EHBP1: variants seen among roughly 807,000 people sequenced by gnomAD.
EHBP1 encodes the protein EH domain-binding protein 1.
A neutral mutation model predicts 144.0 loss-of-function variants in EHBP1; 55 were observed. The observed-to-expected ratio is 0.38, with a 90% CI of 0.31 to 0.48. The LOEUF (loss-of-function observed/expected upper bound fraction) is 0.48. Ranked by LOEUF, EHBP1 falls within the 20% of genes least tolerant of loss-of-function variation. EHBP1 has a pLI of 0.98. For missense variants in EHBP1, 1,200 were observed against 1,364.2 expected (o/e 0.88, Z 1.90); for synonymous variants, 469 against 472.7 (o/e 0.99, Z 0.10).
chr2:62,775,925 A>G (rs1392598738), intron 5 of EHBP1, among the ~76,000 whole-genome samples: 1 of 152,228 alleles, frequency 6.6e-6, no homozygotes, highest in South Asian at 2.1e-4. Context: ...AGAAAGATGA[A>G]AAGAGATCAT....
chr2:62,823,262 G>A (rs556186440), intron 5 of EHBP1, among the ~76,000 whole-genome samples: 42 of 152,162 alleles, frequency 2.8e-4, no homozygotes, highest in African/African-American at 7.9e-4. Flanking sequence ...ATGCACATAC[G>A]AACTGATGTT....
chr2:62,906,068 A>T (rs927667025), intron 10 of EHBP1, among the ~76,000 whole-genome samples: 2 of 151,852 alleles, frequency 1.3e-5, no homozygotes, highest in Non-Finnish European at 2.9e-5. Flanking sequence ...TGGATTGTTT[A>T]TAATTTTAGC....
At chr2:62,929,069 G>C (rs148352848) in intron 10 of EHBP1, among the ~76,000 whole-genome samples, 1 of 152,074 alleles carries the variant, frequency 6.6e-6, no homozygotes, top group African/African-American at 2.4e-5. Flanking sequence ...GCTCTAATTC[G>C]TAAGAAGAAT....
chr2:62,805,302 ATATT>A (rs1558700266), intron 5 of EHBP1, among the ~76,000 whole-genome samples: 3 of 152,184 alleles, frequency 2.0e-5, no homozygotes, highest in East Asian at 3.9e-4. Flanking sequence ...ATACAGAACT[ATATT>A]TATTATATTT....
At chr2:62,985,070 C>T (rs1238765234) in intron 15 of EHBP1, among the ~76,000 whole-genome samples, 1 of 152,102 alleles carries the variant, frequency 6.6e-6, no homozygotes, top group Non-Finnish European at 1.5e-5. Context: ...GCCCAACATC[C>T]AGTTGATTTC....
intron 2 of EHBP1, among the ~76,000 whole-genome samples, chr2:62,709,668 C>A (rs527959068): frequency 5.9e-5 from 9 of 151,962 alleles, no homozygotes; most frequent in African/African-American, 2.2e-4. Context: ...TTATGGTGTC[C>A]CTATTAAATC....
intron 19 of EHBP1, among the ~76,000 whole-genome samples, chr2:63,006,612 A>G (rs2060046696): frequency 6.6e-6 from 1 of 151,998 alleles, no homozygotes; most frequent in Non-Finnish European, 1.5e-5. Context: ...TAAGTTAAAT[A>G]CATTTTAAGT....
intron 8 of EHBP1, among the ~76,000 whole-genome samples, 181 bp downstream of exon 8, chr2:62,859,472 G>T (rs1026922630): frequency 1.3e-5 from 2 of 152,164 alleles, no homozygotes; most frequent in Non-Finnish European, 2.9e-5. Context: ...CTATGGAATG[G>T]CTTTTAAAGA....
intron 10 of EHBP1, among the ~76,000 whole-genome samples, chr2:62,932,039 T>C (rs1168818474): frequency 1.3e-5 from 2 of 152,012 alleles, no homozygotes; most frequent in East Asian, 3.9e-4. Flanking sequence ...TACCCAGGGA[T>C]GGTGATATGC....
chr2:62,808,374 T>G (rs2044682411), intron 5 of EHBP1, among the ~76,000 whole-genome samples: 1 of 152,070 alleles, frequency 6.6e-6, no homozygotes, highest in Non-Finnish European at 1.5e-5. Flanking sequence ...GTTCTTGAGA[T>G]CAGAGACTCT....
At chr2:62,799,921 G>A (rs1452541829) in intron 5 of EHBP1, among the ~76,000 whole-genome samples, 2 of 152,172 alleles carry the variant, frequency 1.3e-5, no homozygotes, top group Non-Finnish European at 2.9e-5. Context: ...GTTCCATGTG[G>A]CCACCTTGTC....
chr2:62,924,112 A>G (rs1386117978), intron 10 of EHBP1, among the ~76,000 whole-genome samples: 3 of 152,150 alleles, frequency 2.0e-5, no homozygotes, highest in African/African-American at 7.2e-5. Context: ...CTGAGGAGCC[A>G]TGTACCAGCA....
At chr2:62,860,199 G>A (rs2049391246) in intron 8 of EHBP1, among the ~76,000 whole-genome samples, 1 of 152,014 alleles carries the variant, frequency 6.6e-6, no homozygotes, top group African/African-American at 2.4e-5. Context: ...ATCTTAAAAA[G>A]GTTACAATAG....
chr2:62,927,897 A>G (rs1039140613), intron 10 of EHBP1, among the ~76,000 whole-genome samples: 11 of 152,262 alleles, frequency 7.2e-5, no homozygotes, highest in African/African-American at 1.2e-4. Context: ...CATGCAAAGT[A>G]TCTTTTCTGA....
intron 5 of EHBP1, among the ~76,000 whole-genome samples, chr2:62,821,996 G>A (rs779871277): frequency 1.6e-4 from 24 of 151,978 alleles, no homozygotes; most frequent in Non-Finnish European, 3.2e-4. Context: ...AATTCTTTCC[G>A]TTATTTTTAA....
intron 10 of EHBP1, among the ~76,000 whole-genome samples, chr2:62,935,773 A>G (rs561300104): frequency 6.6e-6 from 1 of 152,252 alleles, no homozygotes; most frequent in South Asian, 2.1e-4. Flanking sequence ...CACCCTTGCA[A>G]TATTTGCTGG....
chr2:62,784,265 C>A (rs986210928), intron 5 of EHBP1, among the ~76,000 whole-genome samples: 1 of 152,054 alleles, frequency 6.6e-6, no homozygotes, highest in Non-Finnish European at 1.5e-5. Context: ...CACATTTTTT[C>A]TTTTCAAACT....
At chr2:62,759,514 G>A (rs1573187195) in intron 3 of EHBP1, among the ~76,000 whole-genome samples, 1 of 151,764 alleles carries the variant, frequency 6.6e-6, no homozygotes, top group Non-Finnish European at 1.5e-5. Context: ...CAAGCGATTC[G>A]CCTGCCTCAG....
At chr2:62,752,866 C>G (rs929856011) in intron 3 of EHBP1, among the ~76,000 whole-genome samples, 1 of 152,136 alleles carries the variant, frequency 6.6e-6, no homozygotes, top group Non-Finnish European at 1.5e-5. Context: ...AGATCTTCCT[C>G]CATCCCTTTA....
Sources: allele counts gnomAD v4.1 joint callset (sites outside exome capture counted in the v4.1 genomes callset), GRCh38; gene constraint gnomAD v4.1.1; transcripts MANE v1.5; gene names NCBI Gene and HGNC (gene_info 2026-07-23, HGNC 2026-07-21).